SNAP47: variants seen among roughly 807,000 people sequenced by gnomAD.
The protein encoded by SNAP47 is synaptosome associated protein 47.
SNAP47 carries 20 observed loss-of-function variants against 31.4 expected under a neutral mutation model. The observed-to-expected ratio is 0.64, with a 90% CI of 0.45 to 0.93. The LOEUF is 0.93. SNAP47 is among the 40% of genes least tolerant of loss of function. The pLI, the probability that SNAP47 is intolerant of heterozygous loss-of-function variation, is 0.00. For missense variants in SNAP47, 492 were observed against 528.5 expected, an observed-to-expected ratio of 0.93 and a Z score of 0.68; for synonymous variants, 194 against 213.4, an observed-to-expected ratio of 0.91 and a Z score of 0.79.
intron 1 of SNAP47, among the ~76,000 whole-genome samples, chr1:227,739,880 G>A (rs892652570): frequency 6.6e-6 from 1 of 152,244 alleles, no homozygotes; most frequent in African/African-American, 2.4e-5. Flanking sequence ...CACCTGCACT[G>A]GAGGAAGGAG....
intron 2 of SNAP47, among the ~76,000 whole-genome samples, chr1:227,751,306 A>T (rs1662335930): frequency 6.6e-6 from 1 of 151,894 alleles, no homozygotes; most frequent in Admixed American, 6.6e-5. Context: ...CGCCAGCCCC[A>T]CCACCTGTCC....
chr1:227,776,342 C>T (rs1664158420), intron 4 of SNAP47: 1 of 988,242 alleles, frequency 1.0e-6, no homozygotes, highest in Non-Finnish European at 1.2e-6. Flanking sequence ...TTTGTTTCCC[C>T]CAAAACCCAA....
At chr1:227,767,612 G>A (rs1663515609) in intron 4 of SNAP47, among the ~76,000 whole-genome samples, 1 of 152,116 alleles carries the variant, frequency 6.6e-6, no homozygotes, top group Admixed American at 6.5e-5. Flanking sequence ...TGTATGTGTT[G>A]CATGTACTAT....
intron 4 of SNAP47, among the ~76,000 whole-genome samples, chr1:227,780,142 G>A (rs1026379626): frequency 2.0e-5 from 3 of 152,104 alleles, no homozygotes; most frequent in South Asian, 2.1e-4. Flanking sequence ...ACTCAAATCC[G>A]AGCTGCGTGC....
chr1:227,771,926 A>G (rs1487300191), intron 4 of SNAP47, among the ~76,000 whole-genome samples: 2 of 152,094 alleles, frequency 1.3e-5, no homozygotes, highest in African/African-American at 2.4e-5. Context: ...ACCTGTGCTG[A>G]GGGCCGGAGG....
In SNAP47 at chr1:227,763,866, G is replaced by C. The variant is rs1032959079; in HGVS notation, c.989-3093G>C. 6.6e-6 allele frequency among the ~76,000 whole-genome samples: 1 copy of C among 152,206 alleles called. No individual in the cohort carries two copies. Among genetic ancestry groups the C allele is most frequent in the African/African-American group, 2.4e-5 (1 of 41,460 alleles). ...TGGAGACAGACAGGCTGGTGGCCCAGGTCCCCGCTCCCAGGCAGGTGCAGG... is the reference window on the plus strand; with the variant it reads ...TGGAGACAGACAGGCTGGTGGCCCACGTCCCCGCTCCCAGGCAGGTGCAGG... On this transcript the variant is annotated intron_variant, in intron 3 of 4. Transcript: ENST00000617596. The surrounding 1 kb of genome is among the most constrained non-coding windows in gnomAD (Gnocchi z 4.2).
rs1199071909 is a variant in SNAP47 at position 227,748,178 on chromosome 1, G to T, written c.442G>T (p.Asp148Tyr). 1 of 1,611,548 alleles carries T rather than the reference G, an allele frequency of 6.2e-7. No individual in the cohort carries two copies. Among genetic ancestry groups the T allele is most frequent in the African/African-American group, 1.3e-5 (1 of 74,982 alleles). The change falls in exon 2 of 5, where the codon GAC (aspartate) becomes TAC (tyrosine). Residue 148 changes from aspartate (D) to tyrosine (Y), a missense_variant. Transcript: ENST00000617596. ...CCTGCACCACCAGGGCCAGCAGCTG[G>T]ACAGCGTCATGAGAGGCCTGGACAA... Reference protein sequence around the residue: ...RVLHHQGQQLDSVMRGLDKME... With the variant: ...RVLHHQGQQLYSVMRGLDKME...
intron 1 of SNAP47, among the ~76,000 whole-genome samples, chr1:227,736,672 G>T (rs942867110): frequency 5.8e-5 from 8 of 137,716 alleles, no homozygotes; most frequent in South Asian, 2.4e-4. Flanking sequence ...GCTTAGTTTT[G>T]TTTTTTTGTT....
intron 3 of SNAP47, among the ~76,000 whole-genome samples, chr1:227,765,157 C>T (rs1663311637): frequency 6.6e-6 from 1 of 152,176 alleles, no homozygotes; most frequent in South Asian, 2.1e-4. Context: ...CAAAGGGCAC[C>T]AGCACATAGC....
At chr1:227,760,439 G>A (rs901877679) in intron 3 of SNAP47, among the ~76,000 whole-genome samples, 6 of 152,222 alleles carry the variant, frequency 3.9e-5, no homozygotes, top group African/African-American at 1.4e-4. Context: ...TCTCAGATGT[G>A]TGTGGAGTGG....
intron 4 of SNAP47, among the ~76,000 whole-genome samples, chr1:227,773,683 T>C (rs1262330541): frequency 1.3e-5 from 2 of 152,240 alleles, no homozygotes; most frequent in African/African-American, 4.8e-5. Context: ...TCTCCACGTT[T>C]AGATGTGCAG....
intron 4 of SNAP47, among the ~76,000 whole-genome samples, chr1:227,769,523 C>T (rs1261487201): frequency 2.0e-5 from 3 of 152,094 alleles, no homozygotes; most frequent in Admixed American, 6.5e-5. Flanking sequence ...CGAAACCCCC[C>T]TTCATCCAGC....
chr1:227,741,615 T>TGA lies in SNAP47; in HGVS notation c.-45-6067_-45-6066dup, dbSNP rs1262978546. On this transcript the variant is annotated intron_variant, in intron 1 of 4. Transcript: ENST00000617596. The surrounding 1 kb of genome is among the most constrained non-coding windows in gnomAD (Gnocchi z 4.2). The stretch of plus-strand genomic sequence containing the variant: ...GGGAGGGCCGGAGAGGTCTGGGGGC[T>TGA]GAGAGAGAGAGGGTGGGATCAGGGC... Among the ~76,000 whole-genome samples the TGA allele has an allele frequency of 6.6e-6, 1 of 151,786 alleles. No homozygotes were observed. The highest frequency in any genetic ancestry group is 2.4e-5 in the African/African-American group (1 of 41,320).
chr1:227,774,751 G>C (rs1664048871), intron 4 of SNAP47, among the ~76,000 whole-genome samples: 1 of 152,198 alleles, frequency 6.6e-6, no homozygotes, highest in African/African-American at 2.4e-5. Context: ...TTCCTATTTT[G>C]AGGGTACCAC....
upstream of SNAP47, chr1:227,733,950 C>T (rs1433351952): frequency 1.2e-6 from 2 of 1,613,862 alleles, no homozygotes; most frequent in African/African-American, 1.3e-5. Context: ...TAGTCATCCA[C>T]ATCCAGTGCA....
At chr1:227,749,576 G>A (rs1662208349) in intron 2 of SNAP47, among the ~76,000 whole-genome samples, 1 of 152,184 alleles carries the variant, frequency 6.6e-6, no homozygotes. Context: ...TGCCGCTGCT[G>A]GCATACTATC....
At chr1:227,755,722 T>C (rs148687299) in intron 2 of SNAP47, among the ~76,000 whole-genome samples, 1 of 152,330 alleles carries the variant, frequency 6.6e-6, no homozygotes, top group Non-Finnish European at 1.5e-5. Flanking sequence ...AGTCTCACTT[T>C]GTGCCCATGC....
intron 4 of SNAP47, among the ~76,000 whole-genome samples, chr1:227,773,757 C>T (rs748153193): frequency 6.6e-6 from 1 of 152,230 alleles, no homozygotes; most frequent in Non-Finnish European, 1.5e-5. Context: ...TGCAGGCCTG[C>T]AGCTTGGGGG....
Position 227,780,681 on chromosome 1 carries a change from ACGT to A in SNAP47, c.*10_*12del. ...ATGAAGAGGCTGACCTAGGGGCAGA[ACGT>A]CCCTGCATTCCTGTCTCACCCTGCA... On this transcript the variant is annotated 3_prime_UTR_variant, in exon 5 of 5. Coordinates refer to ENST00000617596, the MANE Select transcript of SNAP47 (RefSeq NM_053052.4). 6.2e-7 allele frequency: 1 copy of A among 1,613,994 alleles called. No homozygotes were observed. Among genetic ancestry groups the A allele is most frequent in the Non-Finnish European group, 8.5e-7 (1 of 1,179,954 alleles).
Sources: allele counts gnomAD v4.1 joint callset (sites outside exome capture counted in the v4.1 genomes callset), GRCh38; gene constraint gnomAD v4.1.1; non-coding constraint Gnocchi (gnomAD v3.1); transcripts MANE v1.5; gene names NCBI Gene and HGNC (gene_info 2026-07-23, HGNC 2026-07-21).